The following ZNF486 variants were observed in gnomAD, a reference collection of about 807,000 sequenced individuals.
ZNF486 encodes the protein zinc finger protein 486, also known as KRAB box only protein 2.
A neutral mutation model predicts 12.8 loss-of-function variants in ZNF486; 12 were observed. That is an observed-to-expected ratio of 0.94 (90% confidence interval 0.60 to 1.52). ZNF486 has a LOEUF of 1.52. ZNF486 is among the 40% of genes most tolerant of loss of function. The pLI is 0.00. For synonymous variants in ZNF486, 231 were observed against 184.9 expected (o/e 1.25, Z -2.02); for missense variants, 738 against 545.0 (o/e 1.35, Z -3.53).
At position 20,199,276 on chromosome 19, in the gene ZNF486, T is replaced by C. The variant is rs2089991133; in HGVS notation, c.*1174T>C. ...ATTCTGAAGACAAGCATTACAAATA[T>C]AAAGAGGTTTGTAGTACCTTTGCTT... On this transcript the variant is annotated 3_prime_UTR_variant, in exon 4 of 4. Transcript: ENST00000335117. 1 of 152,218 alleles carries C rather than the reference T, an allele frequency of 6.6e-6. No homozygotes were observed. Among genetic ancestry groups the C allele is most frequent in the African/African-American group, 2.4e-5 (1 of 41,470 alleles). 9.4% of individuals were successfully genotyped at this position (152,218 alleles called of 1,614,324 possible). A position where few individuals can be genotyped will look rare whatever the true frequency, so the allele number is the denominator to read the frequency against.
At chr19:20,174,414 A>G (rs1555714349) in intron 1 of ZNF486, among the ~76,000 whole-genome samples, 1 of 146,718 alleles carries the variant, frequency 6.8e-6, no homozygotes, top group Non-Finnish European at 1.5e-5. Flanking sequence ...TTTTTTTTTG[A>G]GAGAGTCTCT....
At chr19:20,179,147 C>G (rs2089756668) in intron 1 of ZNF486, among the ~76,000 whole-genome samples, 1 of 152,206 alleles carries the variant, frequency 6.6e-6, no homozygotes, top group African/African-American at 2.4e-5. Flanking sequence ...CTTTCTCCCA[C>G]TTTGAACGAT....
chr19:20,183,819 GAAAA>G (rs1181379717), intron 1 of ZNF486, among the ~76,000 whole-genome samples: 2 of 151,838 alleles, frequency 1.3e-5, no homozygotes, highest in African/African-American at 4.8e-5. Flanking sequence ...TAGAAAATCT[GAAAA>G]AAACACAGGC....
At chr19:20,176,025 C>T (rs556146374) in intron 1 of ZNF486, 17 of 169,400 alleles carry the variant, frequency 1.0e-4, no homozygotes, top group South Asian at 8.1e-4. Context: ...ACCTCCCTCC[C>T]GGACGGGGTG....
chr19:20,194,117 AC>A (rs1265004403), intron 3 of ZNF486, among the ~76,000 whole-genome samples: 3 of 152,170 alleles, frequency 2.0e-5, no homozygotes, highest in African/African-American at 7.2e-5. Context: ...TGTTTTCTGT[AC>A]CATTATGATG....
In ZNF486 at chr19:20,197,317, A is replaced by T; in HGVS notation, c.607A>T (p.Ile203Phe). 6.2e-7 allele frequency: 1 copy of T among 1,612,624 alleles called. No homozygotes were observed. The highest frequency in any genetic ancestry group is 1.1e-5 in the South Asian group (1 of 90,806). ...CTCAACCCATACTACACATAAAAAA[A>T]TTGATACTGGAGAGAAACCATACAA... ...QSSTHTTHKK[I>F]DTGEKPYKCE... Residue 203 changes from isoleucine (I) to phenylalanine (F), a missense_variant, in exon 4 of 4, where the codon ATT (isoleucine) becomes TTT (phenylalanine). Transcript: ENST00000335117.
At chr19:20,184,288 T>G (rs1568322271) in intron 1 of ZNF486, 68 bp from the exon 2 acceptor site, 1 of 1,602,258 alleles carries the variant, frequency 6.2e-7, no homozygotes, top group East Asian at 2.2e-5. Flanking sequence ...ACTCTCTCAT[T>G]TCACCTTAAA....
At chr19:20,167,407 A>T in intron 1 of ZNF486, 47 bp downstream of exon 1, 1 of 1,602,800 alleles carries the variant, frequency 6.2e-7, no homozygotes, top group Non-Finnish European at 8.5e-7. Flanking sequence ...GGACTGGTTG[A>T]TGGGAAGTGG....
intron 1 of ZNF486, chr19:20,176,489 GT>G (rs2089717692): frequency 4.7e-6 from 1 of 213,396 alleles, no homozygotes; most frequent in East Asian, 1.6e-4. Flanking sequence ...GGAGGTGGAG[GT>G]TGTAGCCAGC....
intron 1 of ZNF486, among the ~76,000 whole-genome samples, chr19:20,169,488 A>C (rs1290296661): frequency 6.6e-6 from 1 of 152,108 alleles, no homozygotes; most frequent in Non-Finnish European, 1.5e-5. Context: ...CACCCCACCC[A>C]TGGAAGGAGC....
At chr19:20,195,110 G>A (rs1555717698) in intron 3 of ZNF486, among the ~76,000 whole-genome samples, 2 of 152,004 alleles carry the variant, frequency 1.3e-5, no homozygotes, top group Non-Finnish European at 2.9e-5. Context: ...GACCTCAAAT[G>A]ATCCACCCAC....
At chr19:20,172,141 T>C (rs1346819270) in intron 1 of ZNF486, among the ~76,000 whole-genome samples, 1 of 152,008 alleles carries the variant, frequency 6.6e-6, no homozygotes, top group Non-Finnish European at 1.5e-5. Flanking sequence ...GTAGCTGGGA[T>C]TACAAGCATG....
At chr19:20,180,087 G>A (rs781873331) in intron 1 of ZNF486, among the ~76,000 whole-genome samples, 69 of 152,322 alleles carry the variant, frequency 4.5e-4, no homozygotes, top group Admixed American at 1.6e-3. Context: ...AACAGCCCTG[G>A]TTCACCAGGA....
At chr19:20,172,564 G>A (rs1033396270) in intron 1 of ZNF486, among the ~76,000 whole-genome samples, 4 of 152,040 alleles carry the variant, frequency 2.6e-5, no homozygotes, top group African/African-American at 9.7e-5. Context: ...TTTCCAAAGT[G>A]CTGGGATTAC....
intron 1 of ZNF486, among the ~76,000 whole-genome samples, chr19:20,170,096 T>C (rs1187954216): frequency 6.6e-6 from 1 of 151,278 alleles, no homozygotes; most frequent in African/African-American, 2.4e-5. Context: ...TTCACCGTGT[T>C]AGCCAGGATG....
intron 1 of ZNF486, among the ~76,000 whole-genome samples, chr19:20,178,941 T>C (rs1286671234): frequency 2.6e-5 from 4 of 152,218 alleles, no homozygotes; most frequent in African/African-American, 9.6e-5. Context: ...ACTTTCACCT[T>C]CCTCCTCTTG....
In ZNF486 at chr19:20,184,827, C is replaced by G. The variant is rs183609662; in HGVS notation, c.157+345C>G. On this transcript the variant is annotated intron_variant, in intron 2 of 3. Transcript: ENST00000335117. ...GTAGTAAATTTAAAAAGCCTTCATG[C>G]AGGGCCAGGCGCAGTGGCTCATACC... is the stretch of plus-strand genomic sequence containing the variant. Among the ~76,000 whole-genome samples the G allele has an allele frequency of 2.1e-3, 314 of 152,178 alleles. 1 individual carries two copies. The highest frequency in any genetic ancestry group is 0.02 in the Middle Eastern group (6 of 294).
At chr19:20,184,608 C>G in intron 2 of ZNF486, 126 bp downstream of exon 2, 1 of 1,099,546 alleles carries the variant, frequency 9.1e-7, no homozygotes, top group Middle Eastern at 2.2e-4. Flanking sequence ...TCCAGAAAAT[C>G]TTCAGAATTT....
chr19:20,170,053 G>A (rs150872429), intron 1 of ZNF486, among the ~76,000 whole-genome samples: 1,927 of 151,656 alleles, frequency 0.013, 43 homozygotes, highest in African/African-American at 0.044. Flanking sequence ...ACCACGCCCG[G>A]CTAATTTTTT....
Sources: allele counts gnomAD v4.1 joint callset (sites outside exome capture counted in the v4.1 genomes callset), GRCh38; gene constraint gnomAD v4.1.1; transcripts MANE v1.5; gene names NCBI Gene and HGNC (gene_info 2026-07-23, HGNC 2026-07-21).